EPHA6: variants seen among roughly 807,000 people sequenced by gnomAD.
EPHA6 encodes ephrin type-A receptor 6.
Under a neutral mutation model 112.0 loss-of-function variants are expected in EPHA6, and 50 were observed. The observed-to-expected ratio is 0.45, with a 90% CI of 0.36 to 0.56. The LOEUF is 0.56. Among genes scored for constraint, EPHA6 ranks in the 20% least tolerant of loss-of-function variants. The pLI is 0.00. For missense variants in EPHA6, 1,280 were observed against 1,417.4 expected (o/e 0.90, Z 1.56); for synonymous variants, 529 against 490.7 (o/e 1.08, Z -1.03).
chr3:97,231,632 A>G (rs1173854192), intron 4 of EPHA6, among the ~76,000 whole-genome samples: 1 of 152,188 alleles, frequency 6.6e-6, no homozygotes, highest in Non-Finnish European at 1.5e-5. Context: ...AGTGATTTTT[A>G]GGAGAAATGA....
chr3:97,580,903 T>C (rs2093431246), intron 11 of EPHA6, among the ~76,000 whole-genome samples: 1 of 152,182 alleles, frequency 6.6e-6, no homozygotes, highest in Admixed American at 6.5e-5. Context: ...TATTTGAAAA[T>C]AGAGCCCAAC....
intron 1 of EPHA6, among the ~76,000 whole-genome samples, chr3:96,829,450 C>G (rs2033877073): frequency 6.6e-6 from 1 of 152,084 alleles, no homozygotes; most frequent in African/African-American, 2.4e-5. Context: ...TGTGCTCTCC[C>G]TCACTACAGG....
chr3:97,724,830 A>G (rs986009328), intron 15 of EPHA6, among the ~76,000 whole-genome samples: 3 of 151,952 alleles, frequency 2.0e-5, no homozygotes, highest in African/African-American at 4.8e-5. Context: ...AATGAGATAA[A>G]ATTCTGGTAT....
chr3:97,263,770 C>A (rs1470512601), intron 5 of EPHA6, among the ~76,000 whole-genome samples: 1 of 152,012 alleles, frequency 6.6e-6, no homozygotes, highest in East Asian at 1.9e-4. Context: ...ATGAGGTGTG[C>A]GTTGTTAGAG....
intron 14 of EPHA6, among the ~76,000 whole-genome samples, chr3:97,649,852 A>G (rs143632888): frequency 0.015 from 2,269 of 152,092 alleles, 29 homozygotes; most frequent in Middle Eastern, 0.031. Context: ...AAATGTATTG[A>G]CCATTATAAT....
At chr3:97,738,661 G>GC (rs1381510393) in intron 16 of EPHA6, among the ~76,000 whole-genome samples, 1 of 152,052 alleles carries the variant, frequency 6.6e-6, no homozygotes, top group Non-Finnish European at 1.5e-5. Context: ...CAGCAGAAGA[G>GC]CCCCATGAGT....
chr3:97,296,176 G>A (rs1249902261), intron 5 of EPHA6, among the ~76,000 whole-genome samples: 2 of 152,006 alleles, frequency 1.3e-5, no homozygotes, highest in Non-Finnish European at 2.9e-5. Flanking sequence ...CAGTGGGCTG[G>A]GTGGGCCGGT....
intron 3 of EPHA6, among the ~76,000 whole-genome samples, chr3:97,121,509 G>A (rs1195833792): frequency 6.6e-6 from 1 of 152,038 alleles, no homozygotes; most frequent in Non-Finnish European, 1.5e-5. Context: ...CTACTTTCTG[G>A]TGGATCCAGT....
chr3:97,061,624 G>T (rs1046359240), intron 3 of EPHA6, among the ~76,000 whole-genome samples: 1 of 152,146 alleles, frequency 6.6e-6, no homozygotes, highest in Non-Finnish European at 1.5e-5. Flanking sequence ...CGGGAAATAG[G>T]GGATGAGAAG....
At chr3:97,518,054 T>C (rs2092474976) in intron 10 of EPHA6, among the ~76,000 whole-genome samples, 2 of 152,290 alleles carry the variant, frequency 1.3e-5, no homozygotes, top group Admixed American at 6.5e-5. Flanking sequence ...ACAGTGAACA[T>C]TGGAGTGCAG....
intron 12 of EPHA6, among the ~76,000 whole-genome samples, chr3:97,597,870 A>T (rs1416365605): frequency 6.6e-6 from 1 of 152,240 alleles, no homozygotes. Context: ...GATCTGGTGG[A>T]TATAATATTA....
intron 2 of EPHA6, among the ~76,000 whole-genome samples, chr3:96,895,155 GC>G (rs1377815305): frequency 5.9e-5 from 9 of 152,094 alleles, no homozygotes; most frequent in African/African-American, 2.2e-4. Flanking sequence ...GCCTGCTTTT[GC>G]CCCTGAAGAC....
chr3:97,034,018 T>C (rs918540087), intron 3 of EPHA6, among the ~76,000 whole-genome samples: 1 of 151,952 alleles, frequency 6.6e-6, no homozygotes, highest in African/African-American at 2.4e-5. Flanking sequence ...TTTAATTTAT[T>C]TTTTAAACTT....
rs534040284 is a variant in EPHA6 at position 97,213,668 on chromosome 3, G to A, written c.1115-12596G>A. Reference sequence around the variant, plus strand: ...ATGGTAAACTTATCATCAGCCCAGCGATACTTCACATTTTGTCTTCTCCAA... The same window carrying A: ...ATGGTAAACTTATCATCAGCCCAGCAATACTTCACATTTTGTCTTCTCCAA... On this transcript the variant is annotated intron_variant, in intron 3 of 17. Transcript: ENST00000389672. Among the ~76,000 whole-genome samples, 17 of 136,650 alleles carry A rather than the reference G, an allele frequency of 1.2e-4. No homozygotes were observed. In the East Asian group the frequency reaches 2.6e-3, roughly 21 times the overall value. 89.6% of individuals were successfully genotyped at this position (136,650 alleles called of 152,430 possible). A position where few individuals can be genotyped will look rare whatever the true frequency, so the allele number is the denominator to read the frequency against.
chr3:97,484,415 A>G (rs992205804), intron 10 of EPHA6, among the ~76,000 whole-genome samples: 2 of 152,222 alleles, frequency 1.3e-5, no homozygotes, highest in African/African-American at 4.8e-5. Flanking sequence ...AATGATGACC[A>G]TGAGCCTCTG....
intron 3 of EPHA6, among the ~76,000 whole-genome samples, chr3:97,006,556 G>A (rs1352136337): frequency 5.3e-5 from 8 of 151,660 alleles, no homozygotes; most frequent in Admixed American, 2.6e-4. Flanking sequence ...CAAAAAAACA[G>A]CTCCTGGATT....
At chr3:97,109,313 G>A (rs1349706976) in intron 3 of EPHA6, among the ~76,000 whole-genome samples, 1 of 152,214 alleles carries the variant, frequency 6.6e-6, no homozygotes, top group Non-Finnish European at 1.5e-5. Flanking sequence ...CCCAAATTTA[G>A]GGTGAAGACT....
intron 3 of EPHA6, among the ~76,000 whole-genome samples, chr3:97,014,352 C>T (rs1347172729): frequency 6.6e-6 from 1 of 150,816 alleles, no homozygotes; most frequent in African/African-American, 2.4e-5. Flanking sequence ...CTCCCTACCT[C>T]TCTCCCTCCC....
chr3:97,497,103 A>G (rs2091999748), intron 10 of EPHA6, among the ~76,000 whole-genome samples: 1 of 152,146 alleles, frequency 6.6e-6, no homozygotes, highest in East Asian at 1.9e-4. Context: ...CTAACATGGA[A>G]CCCTAGAATG....
Sources: gnomAD v4.1 joint callset for allele counts (sites outside exome capture counted in the v4.1 genomes callset) on GRCh38, gnomAD v4.1.1 for gene constraint, MANE v1.5 for transcripts, NCBI Gene and HGNC (gene_info 2026-07-23, HGNC 2026-07-21) for gene names.